The following NTRK3 variants were observed in gnomAD, a reference collection of about 807,000 sequenced individuals.
NTRK3 encodes the protein neurotrophic receptor tyrosine kinase 3.
Under a neutral mutation model 91.7 loss-of-function variants are expected in NTRK3, and 24 were observed. The observed-to-expected ratio is 0.26, with a 90% CI of 0.19 to 0.37. The LOEUF (loss-of-function observed/expected upper bound fraction) is 0.37, where lower values mean the gene tolerates loss of function less well. Among genes scored for constraint, NTRK3 ranks in the 10% least tolerant of loss-of-function variants. The pLI, the probability that NTRK3 is intolerant of heterozygous loss-of-function variation, is 1.00. For missense variants in NTRK3, 880 were observed against 1,068.9 expected (o/e 0.82, Z 2.46); for synonymous variants, 483 against 404.0 (o/e 1.20, Z -2.34).
intron 3 of NTRK3, among the ~76,000 whole-genome samples, chr15:88,248,998 G>C (rs1179491390): frequency 6.6e-6 from 1 of 152,210 alleles, no homozygotes. Context: ...AAAGGGATTT[G>C]TTCAAAGCTA....
chr15:88,114,154 A>C (rs1244469390), intron 13 of NTRK3, among the ~76,000 whole-genome samples: 1 of 152,140 alleles, frequency 6.6e-6, no homozygotes, highest in Non-Finnish European at 1.5e-5. Context: ...ACAAAGGGGC[A>C]GATGGATCCT....
rs779799191 is a variant in NTRK3, at chr15:87,929,438, C to A, written c.1890-4G>T. ...CATTGCATCTGGCCCATGGGCCCTG[C>A]AAGAGCATGGGGAGAAGAGAGGGGG... On this transcript the variant is annotated splice_region_variant and splice_polypyrimidine_tract_variant and intron_variant, in intron 16 of 18. Coordinates refer to ENST00000394480, the Ensembl canonical transcript of NTRK3. 4 of 1,613,698 alleles carry A rather than the reference C, an allele frequency of 2.5e-6. No individual in the cohort carries two copies. In the East Asian group the frequency reaches 8.9e-5, roughly 36 times the overall value.
intron 14 of NTRK3, among the ~76,000 whole-genome samples, chr15:87,990,610 T>C (rs908806254): frequency 6.6e-6 from 1 of 152,206 alleles, no homozygotes; most frequent in Non-Finnish European, 1.5e-5. Flanking sequence ...CCTTTCTATA[T>C]TGGAGAAAAA....
chr15:87,869,191 A>G (rs2064763051), exon 19 of NTRK3: 1 of 228,930 alleles, frequency 4.4e-6, no homozygotes, highest in Non-Finnish European at 8.7e-6. Flanking sequence ...GAAGGCCCAA[A>G]CTCCCTCTCC....
intron 17 of NTRK3, among the ~76,000 whole-genome samples, chr15:87,922,199 C>T (rs1183871484): frequency 6.6e-6 from 1 of 152,238 alleles, no homozygotes; most frequent in Non-Finnish European, 1.5e-5. Flanking sequence ...CTTCAGTACA[C>T]TGCCAACCAC....
At chr15:87,971,700 C>T (rs1467760721) in intron 14 of NTRK3, among the ~76,000 whole-genome samples, 3 of 152,246 alleles carry the variant, frequency 2.0e-5, no homozygotes, top group South Asian at 2.1e-4. Flanking sequence ...CATGAGCTCC[C>T]GACACGCTCA....
chr15:87,897,933 G>A (rs995881072), intron 17 of NTRK3, among the ~76,000 whole-genome samples: 1 of 152,184 alleles, frequency 6.6e-6, no homozygotes, highest in Admixed American at 6.5e-5. Flanking sequence ...CAACCATAGA[G>A]AATTTATTTA....
intron 14 of NTRK3, among the ~76,000 whole-genome samples, chr15:88,015,407 C>A (rs1247595930): frequency 3.3e-5 from 5 of 152,146 alleles, no homozygotes; most frequent in Non-Finnish European, 5.9e-5. Flanking sequence ...CAAACCCTGC[C>A]CCCTGTCTGC....
intron 5 of NTRK3, among the ~76,000 whole-genome samples, chr15:88,182,522 C>G (rs547762117): frequency 9.2e-5 from 14 of 152,330 alleles, no homozygotes; most frequent in African/African-American, 3.4e-4. Flanking sequence ...CACCACTTCT[C>G]CACTTTCTCC....
In NTRK3 at chr15:88,235,812, C is replaced by T. The variant is rs1460165487; in HGVS notation, c.248+20094G>A. On this transcript the variant is annotated intron_variant, in intron 3 of 18. Coordinates refer to ENST00000394480, the Ensembl canonical transcript of NTRK3. The surrounding 1 kb of genome is among the most constrained non-coding windows in gnomAD (Gnocchi z 5.2). ...AGAAGCTGTGCACCACAACAGGAACCCCCCTGGGGCTTTGAGTCAAACAGG... is the reference window on the plus strand; with the variant it reads ...AGAAGCTGTGCACCACAACAGGAACTCCCCTGGGGCTTTGAGTCAAACAGG... 1.3e-5 allele frequency among the ~76,000 whole-genome samples: 2 copies of T among 152,142 alleles called. No homozygotes were observed. Among genetic ancestry groups the T allele is most frequent in the African/African-American group, 4.8e-5 (2 of 41,456 alleles).
chr15:88,178,067 G>C (rs921673930), intron 5 of NTRK3, among the ~76,000 whole-genome samples: 2 of 152,122 alleles, frequency 1.3e-5, no homozygotes, highest in African/African-American at 4.8e-5. Context: ...GCATTTCATG[G>C]CTAAGTCCTC....
At chr15:87,974,570 CCTAA>C (rs2073552850) in intron 14 of NTRK3, among the ~76,000 whole-genome samples, 1 of 152,024 alleles carries the variant, frequency 6.6e-6, no homozygotes, top group Non-Finnish European at 1.5e-5. Context: ...ACCTGGGCAG[CCTAA>C]CTGCTATCCT....
At chr15:87,871,233 A>G (rs1289002351) in exon 19 of NTRK3, 1 of 231,220 alleles carries the variant, frequency 4.3e-6, no homozygotes, top group Non-Finnish European at 8.6e-6. Flanking sequence ...CAAACTATAG[A>G]TACTTTCATA....
At chr15:87,891,000 GA>G (rs1288164561) in intron 17 of NTRK3, among the ~76,000 whole-genome samples, 1 of 152,152 alleles carries the variant, frequency 6.6e-6, no homozygotes, top group Admixed American at 6.6e-5. Flanking sequence ...CAAATTTACA[GA>G]GCTTTTACTT....
intron 14 of NTRK3, among the ~76,000 whole-genome samples, chr15:88,017,582 C>T (rs1490245694): frequency 6.6e-6 from 1 of 152,180 alleles, no homozygotes; most frequent in East Asian, 1.9e-4. Context: ...TTCAACCAAG[C>T]TGACCTTCTC....
At chr15:87,865,349 G>A in exon 19 of NTRK3, 1 of 210,602 alleles carries the variant, frequency 4.7e-6, no homozygotes, top group Non-Finnish European at 9.6e-6. Context: ...ATTTTTTAGG[G>A]GCTGTAAATG....
chr15:87,988,756 G>A (rs768724355), intron 14 of NTRK3, among the ~76,000 whole-genome samples: 1 of 151,908 alleles, frequency 6.6e-6, no homozygotes, highest in East Asian at 1.9e-4. Flanking sequence ...TTCTATGTAG[G>A]GTGATCAGAA....
At chr15:87,959,205 C>T (rs1256212041) in intron 14 of NTRK3, among the ~76,000 whole-genome samples, 3 of 152,306 alleles carry the variant, frequency 2.0e-5, no homozygotes, top group Non-Finnish European at 2.9e-5. Context: ...GGATAATTAT[C>T]TTCCTGACTT....
chr15:87,946,874 C>CT (rs560114979), intron 14 of NTRK3, among the ~76,000 whole-genome samples: 3,835 of 85,384 alleles, frequency 0.045, 135 homozygotes, highest in African/African-American at 0.05. Flanking sequence ...TTCGTGGGTT[C>CT]TTTTTTTTTT....
Sources: gnomAD v4.1 joint callset for allele counts (sites outside exome capture counted in the v4.1 genomes callset) on GRCh38, gnomAD v4.1.1 for gene constraint, Gnocchi (gnomAD v3.1) non-coding constraint, MANE v1.5 for transcripts, NCBI Gene and HGNC (gene_info 2026-07-23, HGNC 2026-07-21) for gene names.